NGEF: variants seen among roughly 807,000 people sequenced by gnomAD.
NGEF encodes the protein neuronal guanine nucleotide exchange factor, also known as ephexin-1.
A neutral mutation model predicts 80.9 loss-of-function variants in NGEF; 31 were observed. That is an observed-to-expected ratio of 0.38 (90% confidence interval 0.29 to 0.52). The LOEUF is 0.52. NGEF is among the 20% of genes least tolerant of loss of function. The pLI is 0.84. For synonymous variants in NGEF, 371 were observed against 370.2 expected (o/e 1.00, Z -0.03); for missense variants, 709 against 926.2 (o/e 0.77, Z 3.04).
intron 3 of NGEF, among the ~76,000 whole-genome samples, chr2:232,933,968 G>T (rs1268256760): frequency 2.0e-5 from 3 of 152,184 alleles, no homozygotes; most frequent in Non-Finnish European, 4.4e-5. Flanking sequence ...ATGAGGCGGG[G>T]CACAGTGGCT....
At chr2:232,991,357 A>T (rs920684572) in intron 1 of NGEF, among the ~76,000 whole-genome samples, 11 of 151,976 alleles carry the variant, frequency 7.2e-5, no homozygotes, top group African/African-American at 2.4e-4. Flanking sequence ...AAAACAAAAA[A>T]CCCCAGAAAA....
chr2:232,890,185 AG>A (rs1443786706), intron 8 of NGEF, among the ~76,000 whole-genome samples: 1 of 104,456 alleles, frequency 9.6e-6, no homozygotes, highest in Admixed American at 1.1e-4. Flanking sequence ...TGTCAGGTGG[AG>A]GGGGTCTCTG....
At chr2:232,966,207 C>T (rs1466855197) in intron 3 of NGEF, among the ~76,000 whole-genome samples, 1 of 152,146 alleles carries the variant, frequency 6.6e-6, no homozygotes, top group African/African-American at 2.4e-5. Flanking sequence ...CAGAGTGGGG[C>T]CCTGTGGGGG....
rs527725425 is a variant in NGEF at position 232,900,005 on chromosome 2, C to T, written c.829-5089G>A. ...ACTCATTCACTCACACACGCTCTCACAGTCACTCATATACACGTTCACTCA... is the reference window on the plus strand; with the variant it reads ...ACTCATTCACTCACACACGCTCTCATAGTCACTCATATACACGTTCACTCA... On this transcript the variant is annotated intron_variant, in intron 5 of 14. Coordinates refer to ENST00000264051, the MANE Select transcript of NGEF (RefSeq NM_019850.3). 1.3e-4 allele frequency among the ~76,000 whole-genome samples: 16 copies of T among 119,742 alleles called. No individual in the cohort carries two copies. In the South Asian group the frequency reaches 3.7e-3, roughly 27 times the overall value. The allele number at this position is 119,742 out of a possible 152,430, so 78.6% of individuals were successfully genotyped here.
intron 9 of NGEF, chr2:232,885,620 C>T (rs1691652566): frequency 1.9e-6 from 1 of 516,630 alleles, no homozygotes; most frequent in African/African-American, 1.9e-5. Flanking sequence ...AGGAAGCAAA[C>T]TCCAGAAAAC....
Position 232,974,972 on chromosome 2 carries a change from A to T in NGEF, c.-74-8T>A. ...GCTTCACTGGTTTGAGTGCTTTAGA[A>T]TAGATAGAAAACAATTTTCAGTTAG... On this transcript the variant is annotated splice_polypyrimidine_tract_variant and splice_region_variant and intron_variant, in intron 1 of 14. Transcript: ENST00000264051. The T allele has an allele frequency of 2.1e-6, 3 of 1,420,218 alleles. No homozygotes were observed. Among genetic ancestry groups the T allele is most frequent in the Non-Finnish European group, 2.9e-6 (3 of 1,046,190 alleles). The allele number at this position is 1,420,218 out of a possible 1,614,324, so 88.0% of individuals were successfully genotyped here.
intron 4 of NGEF, among the ~76,000 whole-genome samples, chr2:232,926,456 C>T (rs375038124): frequency 6.6e-6 from 1 of 152,244 alleles, no homozygotes; most frequent in Non-Finnish European, 1.5e-5. Context: ...GGCTGAGCCT[C>T]GGCTTCCCTT....
intron 12 of NGEF, among the ~76,000 whole-genome samples, chr2:232,882,864 CGTG>C (rs545642990): frequency 6.6e-6 from 1 of 152,300 alleles, no homozygotes; most frequent in African/African-American, 2.4e-5. Context: ...GCTTGTCCCT[CGTG>C]GGGGGCCTAG....
chr2:232,972,223 A>G (rs889963118), intron 2 of NGEF, among the ~76,000 whole-genome samples: 1 of 152,176 alleles, frequency 6.6e-6, no homozygotes, highest in Non-Finnish European at 1.5e-5. Context: ...TGGCATGCGA[A>G]TTGAGAGGGG....
intron 9 of NGEF, among the ~76,000 whole-genome samples, chr2:232,886,878 AGATGCTGCCTGGCTCACAGGTCGCG>A (rs954776603): frequency 2.6e-5 from 4 of 152,322 alleles, no homozygotes; most frequent in Admixed American, 2.6e-4. Context: ...GGGCCCCTAG[AGATGCTGCCTGGCTCACAGGTCGCG>A]GATGCCCCCT....
At chr2:232,968,105 T>TTTTTTTTTTTTTTTTTTTG (rs1694102814) in intron 3 of NGEF, among the ~76,000 whole-genome samples, 1 of 151,072 alleles carries the variant, frequency 6.6e-6, no homozygotes. Flanking sequence ...TTTTTTTTTT[T>TTTTTTTTTTTTTTTTTTTG]GAGACAAAGT....
At chr2:232,993,152 C>CAA (rs1694691550) in intron 1 of NGEF, among the ~76,000 whole-genome samples, 1 of 21,614 alleles carries the variant, frequency 4.6e-5, no homozygotes, top group Non-Finnish European at 7.5e-5. Flanking sequence ...TATATATGGG[C>CAA]AAATATATAT....
At chr2:232,983,477 G>A (rs1371228870) in intron 1 of NGEF, among the ~76,000 whole-genome samples, 1 of 152,162 alleles carries the variant, frequency 6.6e-6, no homozygotes, top group African/African-American at 2.4e-5. Context: ...CGGGGTGGGG[G>A]TGCAGGGTTA....
chr2:232,914,997 A>G (rs1692764995), intron 5 of NGEF, among the ~76,000 whole-genome samples: 1 of 151,156 alleles, frequency 6.6e-6, no homozygotes, highest in South Asian at 2.1e-4. Context: ...AGCCTGGGCA[A>G]CAGAGCAAGA....
At chr2:232,966,342 C>G (rs1045913382) in intron 3 of NGEF, among the ~76,000 whole-genome samples, 2 of 152,204 alleles carry the variant, frequency 1.3e-5, no homozygotes, top group Non-Finnish European at 2.9e-5. Context: ...TCACAGCTGG[C>G]TCTCTTCCTG....
At chr2:233,005,528 C>T (rs1559245593) in intron 1 of NGEF, among the ~76,000 whole-genome samples, 1 of 152,182 alleles carries the variant, frequency 6.6e-6, no homozygotes, top group Non-Finnish European at 1.5e-5. Context: ...GGGAGATTAT[C>T]CCAGATTACT....
intron 3 of NGEF, among the ~76,000 whole-genome samples, chr2:232,943,979 T>C (rs1693496689): frequency 6.7e-6 from 1 of 150,358 alleles, no homozygotes; most frequent in Non-Finnish European, 1.5e-5. Flanking sequence ...ACACCTGTAA[T>C]CCCAGCACTT....
chr2:232,945,239 ATT>A (rs1162919134), intron 3 of NGEF, among the ~76,000 whole-genome samples: 5 of 152,116 alleles, frequency 3.3e-5, no homozygotes, highest in African/African-American at 1.2e-4. Flanking sequence ...ATAGTACTTT[ATT>A]TTTATACCCT....
chr2:232,945,110 C>A (rs1383338260), intron 3 of NGEF, among the ~76,000 whole-genome samples: 1 of 151,890 alleles, frequency 6.6e-6, no homozygotes. Flanking sequence ...TAAAAGAAAT[C>A]TAAAAGTATG....
Sources: gnomAD v4.1 joint callset for allele counts (sites outside exome capture counted in the v4.1 genomes callset) on GRCh38, gnomAD v4.1.1 for gene constraint, MANE v1.5 for transcripts, NCBI Gene and HGNC (gene_info 2026-07-23, HGNC 2026-07-21) for gene names.